PLPPR1: variants seen among roughly 807,000 people sequenced by gnomAD.
The protein encoded by PLPPR1 is phospholipid phosphatase related 1.
In PLPPR1, 10 loss-of-function variants were observed where a neutral mutation model predicts 33.1. The observed-to-expected ratio is 0.30, with a 90% CI of 0.19 to 0.51. The LOEUF (loss-of-function observed/expected upper bound fraction) is 0.51. Among genes scored for constraint, PLPPR1 ranks in the 20% least tolerant of loss-of-function variants. The pLI is 0.97. For missense variants in PLPPR1, 304 were observed against 408.1 expected, an observed-to-expected ratio of 0.74 and a Z score of 2.20; for synonymous variants, 151 against 151.0, an observed-to-expected ratio of 1.00 and a Z score of 0.00.
intron 2 of PLPPR1, among the ~76,000 whole-genome samples, chr9:101,259,419 C>A (rs1395251021): frequency 6.6e-6 from 1 of 152,148 alleles, no homozygotes; most frequent in Non-Finnish European, 1.5e-5. Context: ...GTGTCTTAAT[C>A]TGGGCTGCAA....
intron 2 of PLPPR1, among the ~76,000 whole-genome samples, chr9:101,263,116 G>T (rs563956632): frequency 7.9e-5 from 12 of 151,588 alleles, no homozygotes; most frequent in Non-Finnish European, 1.6e-4. Context: ...AACAAACCCG[G>T]ACATTCTGCA....
At chr9:101,260,326 G>T (rs1380090400) in intron 2 of PLPPR1, among the ~76,000 whole-genome samples, 1 of 152,104 alleles carries the variant, frequency 6.6e-6, no homozygotes, top group African/African-American at 2.4e-5. Flanking sequence ...TAACTCTTTA[G>T]CAGCAGGGTA....
intron 2 of PLPPR1, among the ~76,000 whole-genome samples, chr9:101,252,083 C>T (rs1032061790): frequency 1.1e-4 from 17 of 152,102 alleles, no homozygotes; most frequent in African/African-American, 4.1e-4. Context: ...TTCATGGTAT[C>T]ACCCTGCTAA....
chr9:101,210,285 C>G (rs1432014760), intron 2 of PLPPR1, among the ~76,000 whole-genome samples: 1 of 152,174 alleles, frequency 6.6e-6, no homozygotes, highest in Non-Finnish European at 1.5e-5. Context: ...CAGAGATCAT[C>G]TGGTATAAGA....
chr9:101,139,893 T>A (rs557445766), intron 1 of PLPPR1, among the ~76,000 whole-genome samples: 6 of 152,310 alleles, frequency 3.9e-5, no homozygotes, highest in South Asian at 2.1e-4. Flanking sequence ...AACTAAGGAC[T>A]GAGGGCCTGG....
intron 1 of PLPPR1, among the ~76,000 whole-genome samples, chr9:101,066,319 A>T (rs1244657230): frequency 6.6e-6 from 1 of 151,966 alleles, no homozygotes. Flanking sequence ...GTTAACCTTG[A>T]TCACCTGGCT....
intron 5 of PLPPR1, among the ~76,000 whole-genome samples, chr9:101,311,926 T>C (rs571300187): frequency 1.3e-5 from 2 of 152,290 alleles, no homozygotes; most frequent in East Asian, 1.9e-4. Context: ...TGTACTTACA[T>C]GAAAAAGGCA....
chr9:101,074,111 G>T (rs931810226), intron 1 of PLPPR1, among the ~76,000 whole-genome samples: 1 of 152,112 alleles, frequency 6.6e-6, no homozygotes. Flanking sequence ...GAATTCAATT[G>T]TGAAGTCCTA....
At chr9:101,050,124 G>GA (rs35688096) in intron 1 of PLPPR1, among the ~76,000 whole-genome samples, 5,383 of 35,098 alleles carry the variant, frequency 0.15, 423 homozygotes, top group East Asian at 0.32. Context: ...CTCCAACTCA[G>GA]AAAAAAAAAA....
At chr9:101,036,630 T>C (rs1218696926) in intron 1 of PLPPR1, among the ~76,000 whole-genome samples, 3 of 149,480 alleles carry the variant, frequency 2.0e-5, no homozygotes, top group African/African-American at 7.4e-5. Flanking sequence ...TGGCCTGTTT[T>C]GAAGATTTGA....
chr9:101,179,335 A>G (rs921459364), intron 1 of PLPPR1, among the ~76,000 whole-genome samples: 2 of 152,168 alleles, frequency 1.3e-5, no homozygotes, highest in Admixed American at 6.6e-5. Flanking sequence ...CAAAGGGAAT[A>G]TAGAATGGGT....
intron 4 of PLPPR1, among the ~76,000 whole-genome samples, chr9:101,289,376 G>C (rs559779963): frequency 6.6e-6 from 1 of 152,250 alleles, no homozygotes; most frequent in African/African-American, 2.4e-5. Context: ...ATGATCGCTT[G>C]GAGAACAGAA....
chr9:101,200,699 A>G (rs926587973), intron 2 of PLPPR1, among the ~76,000 whole-genome samples: 5 of 152,194 alleles, frequency 3.3e-5, no homozygotes, highest in African/African-American at 7.2e-5. Context: ...TGGGTTCCAC[A>G]TCCTACCCAA....
chr9:101,076,431 G>A (rs1042531746), intron 1 of PLPPR1, among the ~76,000 whole-genome samples: 1 of 152,150 alleles, frequency 6.6e-6, no homozygotes, highest in African/African-American at 2.4e-5. Context: ...TTGTGGCTCA[G>A]CGGGAAAGAA....
intron 1 of PLPPR1, among the ~76,000 whole-genome samples, chr9:101,045,904 A>C (rs1830137554): frequency 1.3e-5 from 2 of 152,224 alleles, no homozygotes; most frequent in Admixed American, 6.5e-5. Context: ...GTTCATTCTC[A>C]ATAAATATCA....
chr9:101,190,349 T>C (rs1198894825), intron 2 of PLPPR1, among the ~76,000 whole-genome samples: 1 of 152,160 alleles, frequency 6.6e-6, no homozygotes, highest in Non-Finnish European at 1.5e-5. Flanking sequence ...AGGCATTATG[T>C]CTTTTGCCAT....
At chr9:101,213,558 C>A (rs1011687552) in intron 2 of PLPPR1, among the ~76,000 whole-genome samples, 1 of 152,126 alleles carries the variant, frequency 6.6e-6, no homozygotes, top group African/African-American at 2.4e-5. Flanking sequence ...TTACTGTGTG[C>A]TTTCATGTCC....
intron 1 of PLPPR1, among the ~76,000 whole-genome samples, chr9:101,177,564 A>C (rs541609872): frequency 2.0e-4 from 30 of 152,312 alleles, no homozygotes; most frequent in Admixed American, 6.5e-4. Flanking sequence ...AGTTGTTCCA[A>C]ATAGCACTTC....
At chr9:101,133,644 GAGTA>G (rs1468116984) in intron 1 of PLPPR1, among the ~76,000 whole-genome samples, 2 of 152,156 alleles carry the variant, frequency 1.3e-5, no homozygotes, top group African/African-American at 4.8e-5. Flanking sequence ...ACACAGTAAA[GAGTA>G]AGTAACACTG....
Sources: gnomAD v4.1 joint callset for allele counts (sites outside exome capture counted in the v4.1 genomes callset) on GRCh38, gnomAD v4.1.1 for gene constraint, MANE v1.5 for transcripts, NCBI Gene and HGNC (gene_info 2026-07-23, HGNC 2026-07-21) for gene names.